HEBP1: variants seen among roughly 807,000 people sequenced by gnomAD.
HEBP1 encodes heme-binding protein 1.
In HEBP1, 13 loss-of-function variants were observed where a neutral mutation model predicts 20.4. The observed-to-expected ratio is 0.64, with a 90% CI of 0.42 to 1.01. HEBP1 has a LOEUF of 1.01. Ranked by LOEUF, HEBP1 falls within the 50% of genes least tolerant of loss-of-function variation. The pLI is 0.00. For synonymous variants in HEBP1, 92 were observed against 90.7 expected, an observed-to-expected ratio of 1.01 and a Z score of -0.08; for missense variants, 241 against 247.3, an observed-to-expected ratio of 0.97 and a Z score of 0.17.
intron 1 of HEBP1, 123 bp downstream of exon 1, chr12:12,999,914 C>T (rs1319079390): frequency 1.8e-6 from 1 of 565,956 alleles, no homozygotes; most frequent in Non-Finnish European, 3.2e-6. Flanking sequence ...GCGACAGACA[C>T]CAGAACGCAC....
chr12:12,975,551 A>T (rs1176358154), intron 3 of HEBP1, 72 bp from the exon 4 acceptor site: 1 of 1,346,906 alleles, frequency 7.4e-7, no homozygotes, highest in Non-Finnish European at 1.0e-6. Flanking sequence ...TTTAGAAAAA[A>T]GTCACTCACC....
intron 1 of HEBP1, among the ~76,000 whole-genome samples, chr12:12,995,063 C>A (rs1242841702): frequency 1.3e-5 from 2 of 152,196 alleles, no homozygotes; most frequent in African/African-American, 2.4e-5. Context: ...TCCTTTGATG[C>A]CATGGTCATT....
Position 12,998,403 on chromosome 12 carries a change from G to A in HEBP1, c.78+1634C>T, listed in dbSNP as rs900120078. On this transcript the variant is annotated intron_variant, in intron 1 of 3. Transcript: ENST00000014930. The surrounding 1 kb of genome is among the most constrained non-coding windows in gnomAD (Gnocchi z 4.2). Reference sequence around the variant, plus strand: ...TGGCAACACTGTTTCATATATCACTGCATAGCAACAAGTGGCTGGAACTGC... The same window carrying A: ...TGGCAACACTGTTTCATATATCACTACATAGCAACAAGTGGCTGGAACTGC... Among the ~76,000 whole-genome samples, 6 of 152,100 alleles carry A rather than the reference G, an allele frequency of 3.9e-5. No homozygotes were observed. The highest frequency in any genetic ancestry group is 1.4e-4 in the African/African-American group (6 of 41,412).
Position 12,975,269 on chromosome 12 carries a change from G to C in HEBP1, c.*39C>G. On this transcript the variant is annotated 3_prime_UTR_variant, in exon 4 of 4. Coordinates refer to ENST00000014930, the MANE Select transcript of HEBP1 (RefSeq NM_015987.5). ...CCTTACCCCCGAGGAAGGAGACACA[G>C]AGGCACACTTCCAGTAAGTTCTTGG... The C allele has an allele frequency of 6.3e-7, 1 of 1,597,974 alleles. No homozygotes were observed. The highest frequency in any genetic ancestry group is 1.1e-5 in the South Asian group (1 of 90,332).
intron 1 of HEBP1, among the ~76,000 whole-genome samples, chr12:12,999,790 C>A (rs1286723079): frequency 6.6e-6 from 1 of 152,264 alleles, no homozygotes; most frequent in African/African-American, 2.4e-5. Flanking sequence ...AGTTGGGATT[C>A]TCTCCTTGGA....
chr12:12,977,461 G>T (rs1565490141), intron 3 of HEBP1: 1 of 152,266 alleles, frequency 6.6e-6, no homozygotes, highest in Non-Finnish European at 1.5e-5. Context: ...TGTGGTCCCA[G>T]CTACTTGGGA....
intron 3 of HEBP1, chr12:12,977,381 T>C (rs1864003781): frequency 6.6e-6 from 1 of 152,264 alleles, no homozygotes; most frequent in African/African-American, 2.4e-5. Context: ...TTTAATTCCC[T>C]GACTCCAGGG....
intron 1 of HEBP1, among the ~76,000 whole-genome samples, chr12:12,990,316 A>G (rs946819326): frequency 1.3e-5 from 2 of 151,058 alleles, no homozygotes; most frequent in Admixed American, 6.6e-5. Flanking sequence ...CCGCAGGTGC[A>G]TACCACCATG....
Position 13,000,134 on chromosome 12 carries a change from C to T in HEBP1, c.-20G>A, listed in dbSNP as rs776957704. The T allele has an allele frequency of 6.3e-7, 1 of 1,587,308 alleles. No homozygotes were observed. Among genetic ancestry groups the T allele is most frequent in the South Asian group, 1.1e-5 (1 of 87,894 alleles). ...CAACATGTTGTAGCCGAGACGCTCC[C>T]GACGCACGGGAGGACGTGAGGTGGC... On this transcript the variant is annotated 5_prime_UTR_variant, in exon 1 of 4. Coordinates refer to ENST00000014930, the MANE Select transcript of HEBP1 (RefSeq NM_015987.5).
chr12:12,983,804 T>C (rs1864116991), intron 3 of HEBP1: 1 of 455,532 alleles, frequency 2.2e-6, no homozygotes, highest in Non-Finnish European at 4.4e-6. Context: ...CGTATACCCC[T>C]TCCCACCATA....
intron 3 of HEBP1, among the ~76,000 whole-genome samples, chr12:12,985,133 G>A (rs1350292109): frequency 6.6e-6 from 1 of 150,850 alleles, no homozygotes; most frequent in Non-Finnish European, 1.5e-5. Flanking sequence ...GGGCAACAGA[G>A]AGAGACTCCG....
chr12:12,996,631 A>G lies in HEBP1; in HGVS notation c.78+3406T>C, dbSNP rs1325627993. 7.4e-6 allele frequency among the ~76,000 whole-genome samples: 1 copy of G among 134,774 alleles called. No homozygotes were observed. The highest frequency in any genetic ancestry group is 1.6e-5 in the Non-Finnish European group (1 of 61,614). The allele number at this position is 134,774 out of a possible 152,430, so 88.4% of individuals were successfully genotyped here. On this transcript the variant is annotated intron_variant, in intron 1 of 3. Transcript: ENST00000014930. This position sits in a 1 kb window ranked among gnomAD's most constrained non-coding sequence, Gnocchi z 4.1. ...GGGAGAGGTTCTCTTCAAAAATAAT[A>G]CCTTTATGTTTGTATATTTAAAAAA...
chr12:12,984,870 G>C (rs1412569704), intron 3 of HEBP1, among the ~76,000 whole-genome samples: 1 of 152,142 alleles, frequency 6.6e-6, no homozygotes, highest in African/African-American at 2.4e-5. Context: ...AACAAATGAT[G>C]GCCAGGCGTG....
rs1216356833 is a variant in HEBP1 at position 12,975,494 on chromosome 12, G to C, written c.399-15C>G. The C allele has an allele frequency of 6.3e-7, 1 of 1,594,008 alleles. No homozygotes were observed. Among genetic ancestry groups the C allele is most frequent in the Non-Finnish European group, 8.5e-7 (1 of 1,173,550 alleles). Reference sequence around the variant, plus strand: ...CACCAAACTGCCTGGGGGTTCAAGAGCAAGGGCTGGTTACGAAAGGACATG... The same window carrying C: ...CACCAAACTGCCTGGGGGTTCAAGACCAAGGGCTGGTTACGAAAGGACATG... On this transcript the variant is annotated splice_polypyrimidine_tract_variant and intron_variant, in intron 3 of 3. Transcript: ENST00000014930.
Position 12,986,939 on chromosome 12 carries a change from C to G in HEBP1, c.398+213G>C. 1 of 525,560 alleles carries G rather than the reference C, an allele frequency of 1.9e-6. No homozygotes were observed. The highest frequency in any genetic ancestry group is 3.1e-5 in the East Asian group (1 of 31,996). The allele number at this position is 525,560 out of a possible 1,614,324, so 32.6% of individuals were successfully genotyped here. ...GCTTAAGCTCGTCCCATCAATTTGG[C>G]AACTGGCCAAGGCATTTATTCTGAT... is the stretch of plus-strand genomic sequence containing the variant. On this transcript the variant is annotated intron_variant, in intron 3 of 3. Coordinates refer to ENST00000014930, the MANE Select transcript of HEBP1 (RefSeq NM_015987.5). This position sits in a 1 kb window ranked among gnomAD's most constrained non-coding sequence, Gnocchi z 4.3.
In HEBP1 at chr12:13,000,056, A is replaced by G. The variant is rs1166933343; in HGVS notation, c.59T>C (p.Val20Ala). The G allele has an allele frequency of 6.2e-7, 1 of 1,611,914 alleles. No individual in the cohort carries two copies. Among genetic ancestry groups the G allele is most frequent in the Non-Finnish European group, 8.5e-7 (1 of 1,178,858 alleles). Reference protein sequence around the residue: ...FGSVETWPWQVLSKGDKEEVA... With the variant: ...FGSVETWPWQALSKGDKEEVA... ...GCCTACCTTGTCCCCTTTGCTTAGG[A>G]CCTGCCAAGGCCACGTCTCTACGCT... The change falls in exon 1 of 4, where the codon GTC (valine) becomes GCC (alanine). Residue 20 changes from valine (V) to alanine (A), a missense_variant. Transcript: ENST00000014930.
In HEBP1 at chr12:12,987,217, G is replaced by T. The variant is rs1160897309; in HGVS notation, c.333C>A (p.Asp111Glu). ...CGCTTTTGTCACTGGGAGCTGGTGG[G>T]TCGCTTTGAAATTGGTTTGGAATCC... Reference protein sequence around the residue: ...WFRIPNQFQSDPPAPSDKSVK... With the variant: ...WFRIPNQFQSEPPAPSDKSVK... The change falls in exon 3 of 4, where the codon GAC becomes GAA. Residue 111 changes from aspartate to glutamate, a missense_variant. By Grantham distance (45) the Asp-to-Glu change is conservative. Transcript: ENST00000014930. The T allele has an allele frequency of 6.2e-7, 1 of 1,614,100 alleles. No homozygotes were observed. Among genetic ancestry groups the T allele is most frequent in the Non-Finnish European group, 8.5e-7 (1 of 1,180,014 alleles).
chr12:12,997,655 A>G (rs1864307983), intron 1 of HEBP1, among the ~76,000 whole-genome samples: 1 of 152,200 alleles, frequency 6.6e-6, no homozygotes, highest in Non-Finnish European at 1.5e-5. Flanking sequence ...AAACAGGCCG[A>G]ATGGGTCAGC....
intron 3 of HEBP1, chr12:12,983,849 T>G: frequency 2.2e-6 from 1 of 451,292 alleles, no homozygotes. Flanking sequence ...TGGCTAATTC[T>G]AGCTCTAGGG....
Sources: gnomAD v4.1 joint callset for allele counts (sites outside exome capture counted in the v4.1 genomes callset) on GRCh38, gnomAD v4.1.1 for gene constraint, Gnocchi (gnomAD v3.1) non-coding constraint, MANE v1.5 for transcripts, NCBI Gene and HGNC (gene_info 2026-07-23, HGNC 2026-07-21) for gene names.